The following PDE1C variants were observed in gnomAD, a reference collection of about 807,000 sequenced individuals.
The protein encoded by PDE1C is dual specificity calcium/calmodulin-dependent 3',5'-cyclic nucleotide phosphodiesterase 1C.
Under a neutral mutation model 93.1 loss-of-function variants are expected in PDE1C, and 62 were observed. The observed-to-expected ratio is 0.67, with a 90% CI of 0.54 to 0.82. The LOEUF is 0.82. PDE1C is among the 40% of genes least tolerant of loss of function. The pLI is 0.00. For missense variants in PDE1C, 742 were observed against 884.6 expected (o/e 0.84, Z 2.04); for synonymous variants, 325 against 310.1 (o/e 1.05, Z -0.50).
chr7:32,135,725 T>A (rs983424701), intron 3 of PDE1C, among the ~76,000 whole-genome samples: 13 of 152,170 alleles, frequency 8.5e-5, no homozygotes, highest in Admixed American at 3.9e-4. Context: ...AAATTAAGAA[T>A]AGAACTACCA....
chr7:31,651,449 C>T, the PDE1C span, among the ~76,000 whole-genome samples: 1 of 152,028 alleles, frequency 6.6e-6, no homozygotes, highest in Non-Finnish European at 1.5e-5. Flanking sequence ...GAGCCATTTG[C>T]TAGATAGCAA....
chr7:31,973,931 T>A (rs945743472), intron 2 of PDE1C, among the ~76,000 whole-genome samples: 2 of 152,224 alleles, frequency 1.3e-5, no homozygotes, highest in Admixed American at 6.5e-5. Flanking sequence ...ATCCAGGATT[T>A]AGTTCCAGAT....
chr7:31,968,318 G>C (rs1191422336), intron 2 of PDE1C, among the ~76,000 whole-genome samples: 2 of 151,952 alleles, frequency 1.3e-5, no homozygotes, highest in South Asian at 2.1e-4. Flanking sequence ...ACCAATAACA[G>C]ACAAACAGAG....
rs775127488 is a variant in PDE1C, at chr7:31,828,317, G to A, written c.1260C>T (p.Ser420=). 2 of 1,612,478 alleles carry A rather than the reference G, an allele frequency of 1.2e-6. No homozygotes were observed. Among genetic ancestry groups the A allele is most frequent in the Admixed American group, 1.7e-5 (1 of 59,924 alleles). ...LPFSPLCDRK[S]TMVAQSQVGF... ...CTACTTGTGACTGAGCAACCATAGT[G>A]GACTTTCGGTCACACAGAGGAGAAA... Residue 420 remains serine, a synonymous_variant, in exon 12 of 18, where the codon TCC becomes TCT. Transcript: ENST00000396191.
chr7:31,968,381 A>C (rs1299836148), intron 2 of PDE1C, among the ~76,000 whole-genome samples: 5 of 151,872 alleles, frequency 3.3e-5, no homozygotes, highest in Non-Finnish European at 7.4e-5. Context: ...AGAATAAAAT[A>C]CCTAGGAATC....
At chr7:32,165,660 C>CA (rs764573815) in intron 3 of PDE1C, among the ~76,000 whole-genome samples, 1 of 151,822 alleles carries the variant, frequency 6.6e-6, no homozygotes, top group East Asian at 1.9e-4. Flanking sequence ...GAAATGCCCC[C>CA]AAAAGCCAGT....
intron 3 of PDE1C, among the ~76,000 whole-genome samples, chr7:32,162,594 G>A (rs996220764): frequency 5.3e-5 from 8 of 152,108 alleles, no homozygotes; most frequent in Admixed American, 4.6e-4. Context: ...CAGCAAGGCC[G>A]TTAGTGAGTC....
intron 6 of PDE1C, among the ~76,000 whole-genome samples, chr7:31,871,806 CA>C (rs201130446): frequency 1.2e-4 from 18 of 147,456 alleles, no homozygotes; most frequent in South Asian, 2.1e-4. Flanking sequence ...GCGGATTTCT[CA>C]AAAAAAAAAT....
chr7:31,939,566 A>G (rs1805546763), intron 2 of PDE1C, among the ~76,000 whole-genome samples: 2 of 152,190 alleles, frequency 1.3e-5, no homozygotes, highest in South Asian at 4.1e-4. Flanking sequence ...AAATGAAAAC[A>G]AAGGATTTTT....
At chr7:32,294,252 G>A (rs1335640760) in intron 1 of PDE1C, among the ~76,000 whole-genome samples, 1 of 152,196 alleles carries the variant, frequency 6.6e-6, no homozygotes, top group East Asian at 1.9e-4. Context: ...CCCAAGGAGG[G>A]AAACACAAGG....
chr7:31,977,889 T>C (rs1453164524), intron 2 of PDE1C, among the ~76,000 whole-genome samples: 6 of 152,184 alleles, frequency 3.9e-5, no homozygotes, highest in African/African-American at 7.2e-5. Flanking sequence ...AATAAAAGTA[T>C]CCAAATTGCC....
At chr7:31,659,971 C>T in the PDE1C span, among the ~76,000 whole-genome samples, 2 of 152,122 alleles carry the variant, frequency 1.3e-5, no homozygotes, top group South Asian at 2.1e-4. Flanking sequence ...ATCATGGGTG[C>T]AGTTGTCCTC....
At chr7:32,023,975 A>T (rs962047275) in intron 2 of PDE1C, among the ~76,000 whole-genome samples, 3 of 152,152 alleles carry the variant, frequency 2.0e-5, no homozygotes, top group Non-Finnish European at 4.4e-5. Context: ...ATAATCAAGT[A>T]AGATGTGAAC....
At chr7:31,872,383 T>A (rs1305244694) in intron 6 of PDE1C, among the ~76,000 whole-genome samples, 1 of 151,992 alleles carries the variant, frequency 6.6e-6, no homozygotes, top group African/African-American at 2.4e-5. Flanking sequence ...AAGAGAGGAC[T>A]TGAAATGTTC....
At chr7:32,297,217 A>G (rs1272146624) in intron 1 of PDE1C, among the ~76,000 whole-genome samples, 2 of 152,144 alleles carry the variant, frequency 1.3e-5, no homozygotes, top group Non-Finnish European at 1.5e-5. Context: ...GGGCTACTTT[A>G]TTGAGAACAA....
At chr7:31,847,687 A>AT (rs1311570961) in intron 9 of PDE1C, among the ~76,000 whole-genome samples, 4 of 152,174 alleles carry the variant, frequency 2.6e-5, no homozygotes, top group Non-Finnish European at 5.9e-5. Context: ...CAATTCATCA[A>AT]TAAAAAGCAA....
intron 2 of PDE1C, among the ~76,000 whole-genome samples, chr7:31,976,636 C>T (rs910886256): frequency 9.9e-5 from 15 of 152,210 alleles, no homozygotes; most frequent in Non-Finnish European, 2.2e-4. Flanking sequence ...GTGCAGCCCA[C>T]TGCCACCACT....
chr7:32,113,107 TAGGTATAGAAATAAA>T (rs1347572816), intron 3 of PDE1C, among the ~76,000 whole-genome samples: 1 of 149,180 alleles, frequency 6.7e-6, no homozygotes, highest in Non-Finnish European at 1.5e-5. Context: ...ATAACAGTTA[TAGGTATAGAAATAAA>T]AGGAGAAATG....
chr7:31,837,328 G>GTGCTTCAGA, intron 10 of PDE1C, 28 bp from the exon 11 acceptor site: 1 of 1,587,570 alleles, frequency 6.3e-7, no homozygotes, highest in Non-Finnish European at 8.6e-7. Flanking sequence ...CCAAACACAT[G>GTGCTTCAGA]ATAACCACAC....
Sources: allele counts gnomAD v4.1 joint callset (sites outside exome capture counted in the v4.1 genomes callset), GRCh38; gene constraint gnomAD v4.1.1; transcripts MANE v1.5; gene names NCBI Gene and HGNC (gene_info 2026-07-23, HGNC 2026-07-21).